The following RANBP9 variants were observed in gnomAD, a reference collection of about 807,000 sequenced individuals.
RANBP9 encodes the protein RAN binding protein 9.
In RANBP9, 15 loss-of-function variants were observed where a neutral mutation model predicts 84.3. That is an observed-to-expected ratio of 0.18 (90% CI 0.12 to 0.27). The LOEUF (loss-of-function observed/expected upper bound fraction) is 0.27, where lower values mean the gene tolerates loss of function less well. Among genes scored for constraint, RANBP9 ranks in the 10% least tolerant of loss-of-function variants. The pLI, the probability that RANBP9 is intolerant of heterozygous loss-of-function variation, is 1.00. For missense variants in RANBP9, 809 were observed against 912.8 expected (o/e 0.89, Z 1.46); for synonymous variants, 392 against 349.6 (o/e 1.12, Z -1.35).
intron 2 of RANBP9, among the ~76,000 whole-genome samples, chr6:13,673,269 CCCA>C (rs1461228882): frequency 3.9e-5 from 6 of 151,910 alleles, no homozygotes; most frequent in African/African-American, 9.7e-5. Flanking sequence ...GGGAAAAAAC[CCCA>C]CCAAGCTAGG....
chr6:13,686,971 C>G (rs1766204826), intron 2 of RANBP9, among the ~76,000 whole-genome samples: 1 of 152,192 alleles, frequency 6.6e-6, no homozygotes, highest in Non-Finnish European at 1.5e-5. Flanking sequence ...GATCTGCCTT[C>G]TAATTCTCTG....
At position 13,711,065 on chromosome 6, in the gene RANBP9, C is replaced by G. The variant is rs774973519; in HGVS notation, c.441G>C (p.Leu147Phe). 6.3e-7 allele frequency: 1 copy of G among 1,585,230 alleles called. No homozygotes were observed. Among genetic ancestry groups the G allele is most frequent in the South Asian group, 1.1e-5 (1 of 87,392 alleles). Residue 147 changes from leucine to phenylalanine, a missense_variant, in exon 1 of 14, where the codon TTG (leucine) becomes TTC (phenylalanine). Physicochemically the swap from Leu to Phe is conservative, Grantham distance 22. Coordinates refer to ENST00000011619, the MANE Select transcript of RANBP9 (RefSeq NM_005493.3). ...GGTAGAGACGCTTCAGCCGCCGCTG[C>G]AACTCCTTCTCCTGCTCGTTCAGGG... ...DSALNEQEKE[L>F]QRRLKRLYPA...
intron 12 of RANBP9, among the ~76,000 whole-genome samples, chr6:13,627,630 C>CAAAAAAAAAAAAAAAAAAAA (rs35401168): frequency 6.0e-5 from 4 of 66,406 alleles, no homozygotes; most frequent in East Asian, 4.5e-4. Context: ...ACTCCATCTC[C>CAAAAAAAAAAAAAAAAAAAA]AAAAAAAAAA....
rs149564974 is a variant in RANBP9, at chr6:13,685,039, C to G, written c.683+11746G>C. Among the ~76,000 whole-genome samples, 316 of 152,308 alleles carry G rather than the reference C, an allele frequency of 2.1e-3. 6 individuals are homozygous for G. The highest frequency in any genetic ancestry group is 0.017 in the East Asian group (89 of 5,182). ...CCTTCTCCTCAGCATATACATACAA[C>G]AAGGTCTCTCCCACCCAAACATAAA... On this transcript the variant is annotated intron_variant, in intron 2 of 13. Transcript: ENST00000011619.
Position 13,711,538 on chromosome 6 carries a change from CCTCTT to C in RANBP9, c.-38_-34del. 1 of 1,241,030 alleles carries C rather than the reference CCTCTT, an allele frequency of 8.1e-7. No individual in the cohort carries two copies. Among genetic ancestry groups the C allele is most frequent in the East Asian group, 3.2e-5 (1 of 31,640 alleles). The allele number at this position is 1,241,030 out of a possible 1,614,324, so 76.9% of individuals were successfully genotyped here. On this transcript the variant is annotated 5_prime_UTR_variant, in exon 1 of 14. Transcript: ENST00000011619. ...GCGACTCAGCCTGCGGCCACCTCCA[CCTCTT>C]CTCTCCTTCCTCCTCTGCTTCCCGG...
chr6:13,705,313 A>T (rs1758076419), intron 1 of RANBP9, among the ~76,000 whole-genome samples: 1 of 149,716 alleles, frequency 6.7e-6, no homozygotes, highest in African/African-American at 2.5e-5. Context: ...CTGAGGCTGG[A>T]AAGTCACTTG....
chr6:13,696,667 G>T, intron 2 of RANBP9, 118 bp downstream of exon 2: 1 of 754,882 alleles, frequency 1.3e-6, no homozygotes, highest in African/African-American at 1.8e-5. Flanking sequence ...GAAATATTCA[G>T]ATTCCACTTT....
At chr6:13,708,789 C>T (rs1561700134) in intron 1 of RANBP9, among the ~76,000 whole-genome samples, 1 of 151,674 alleles carries the variant, frequency 6.6e-6, no homozygotes, top group African/African-American at 2.4e-5. Context: ...TCACAAAACA[C>T]GCAGAAAATC....
intron 2 of RANBP9, among the ~76,000 whole-genome samples, chr6:13,674,320 T>C (rs1765841036): frequency 6.6e-6 from 1 of 152,044 alleles, no homozygotes; most frequent in African/African-American, 2.4e-5. Flanking sequence ...GATGGAGAAA[T>C]ACATACAATG....
At chr6:13,699,591 G>T (rs193242088) in intron 1 of RANBP9, among the ~76,000 whole-genome samples, 5 of 152,260 alleles carry the variant, frequency 3.3e-5, no homozygotes, top group African/African-American at 1.2e-4. Flanking sequence ...AGCCGGGCGT[G>T]GTGGCTCATG....
chr6:13,686,639 G>C (rs1277145783), intron 2 of RANBP9, among the ~76,000 whole-genome samples: 1 of 152,024 alleles, frequency 6.6e-6, no homozygotes, highest in Non-Finnish European at 1.5e-5. Flanking sequence ...ACTGGGCTCA[G>C]GCAATCCTCC....
Position 13,644,587 on chromosome 6 carries a change from G to C in RANBP9, c.1070C>G (p.Pro357Arg). ...CCATTCTCCTTCTCGATCTCCGATA[G>C]GAAATCGATCTATCTGTGCCTGGAT... ...TKIQAQIDRFPIGDREGEWQT... is the reference protein window; with the variant it reads ...TKIQAQIDRFRIGDREGEWQT... Residue 357 changes from proline (P) to arginine (R), a missense_variant, in exon 6 of 14, where the codon CCT (proline) becomes CGT (arginine). This residue lies in a region of RANBP9 where 216 missense variants were observed against 329.0 expected (regional missense o/e 0.66). Coordinates refer to ENST00000011619, the MANE Select transcript of RANBP9 (RefSeq NM_005493.3). 6.2e-7 allele frequency: 1 copy of C among 1,612,948 alleles called. No individual in the cohort carries two copies. The highest frequency in any genetic ancestry group is 8.5e-7 in the Non-Finnish European group (1 of 1,179,554).
intron 2 of RANBP9, among the ~76,000 whole-genome samples, chr6:13,693,086 T>C (rs539349807): frequency 1.3e-5 from 2 of 152,210 alleles, no homozygotes; most frequent in African/African-American, 4.8e-5. Flanking sequence ...AAAGGAGGCA[T>C]AGAAAAGGCA....
At chr6:13,638,991 A>G (rs778520664) in intron 9 of RANBP9, among the ~76,000 whole-genome samples, 13 of 152,164 alleles carry the variant, frequency 8.5e-5, no homozygotes, top group Non-Finnish European at 1.5e-4. Context: ...TTAAAAATCA[A>G]TAATTTAATT....
At chr6:13,680,294 T>C (rs1766004592) in intron 2 of RANBP9, among the ~76,000 whole-genome samples, 1 of 148,686 alleles carries the variant, frequency 6.7e-6, no homozygotes, top group South Asian at 2.1e-4. Context: ...CACTTGAACC[T>C]ACTCTTAAGA....
chr6:13,638,852 T>C (rs576642269), intron 9 of RANBP9, among the ~76,000 whole-genome samples: 7 of 151,066 alleles, frequency 4.6e-5, no homozygotes, highest in African/African-American at 1.5e-4. Context: ...TTGGGAAAGG[T>C]TGGGGGTGGG....
At chr6:13,641,177 G>T in intron 8 of RANBP9, 22 bp downstream of exon 8, 1 of 1,298,092 alleles carries the variant, frequency 7.7e-7, no homozygotes, top group Non-Finnish European at 1.1e-6. Flanking sequence ...AACAAATATA[G>T]CATTTTATTA....
At chr6:13,629,008 T>C (rs1239523648) in intron 12 of RANBP9, among the ~76,000 whole-genome samples, 1 of 152,184 alleles carries the variant, frequency 6.6e-6, no homozygotes, top group Non-Finnish European at 1.5e-5. Flanking sequence ...CAAAGATACA[T>C]GTATAAAGAT....
chr6:13,679,053 G>C (rs577355569), intron 2 of RANBP9, among the ~76,000 whole-genome samples: 19 of 151,854 alleles, frequency 1.3e-4, no homozygotes, highest in South Asian at 6.2e-4. Flanking sequence ...ATTCTGCTGT[G>C]ATTAAAAAAA....
Sources: gnomAD v4.1 joint callset for allele counts (sites outside exome capture counted in the v4.1 genomes callset) on GRCh38, gnomAD v4.1.1 for gene constraint, gnomAD v4.1.1 regional missense constraint, MANE v1.5 for transcripts, NCBI Gene and HGNC (gene_info 2026-07-23, HGNC 2026-07-21) for gene names.